FGF12: variants seen among roughly 807,000 people sequenced by gnomAD.
FGF12 encodes fibroblast growth factor 12.
A neutral mutation model predicts 23.6 loss-of-function variants in FGF12; 14 were observed. That is an observed-to-expected ratio of 0.59 (90% CI 0.39 to 0.93). The LOEUF (loss-of-function observed/expected upper bound fraction) is 0.93, where lower values mean the gene tolerates loss of function less well. Ranked by LOEUF, FGF12 falls within the 40% of genes least tolerant of loss-of-function variation. The probability of loss-of-function intolerance (pLI) is 0.00; values close to 1 mark genes in which losing one functional copy is unlikely to be tolerated. For synonymous variants in FGF12, 62 were observed against 77.3 expected (o/e 0.80, Z 1.04); for missense variants, 175 against 217.8 (o/e 0.80, Z 1.24).
At chr3:192,185,804 A>T (rs1235216183) in intron 4 of FGF12, among the ~76,000 whole-genome samples, 2 of 151,920 alleles carry the variant, frequency 1.3e-5, no homozygotes, top group Non-Finnish European at 2.9e-5. Context: ...GGTGGCAATG[A>T]GCCAAGATCG....
intron 2 of FGF12, among the ~76,000 whole-genome samples, chr3:192,665,042 C>T (rs928675743): frequency 7.2e-5 from 11 of 152,042 alleles, no homozygotes; most frequent in Admixed American, 3.9e-4. Flanking sequence ...CCTGAAAATC[C>T]AGCAAAATCA....
intron 4 of FGF12, among the ~76,000 whole-genome samples, chr3:192,259,228 G>C (rs551225489): frequency 5.9e-5 from 9 of 152,040 alleles, no homozygotes; most frequent in Admixed American, 5.2e-4. Context: ...TATCAGAAAA[G>C]GTTTTGCTAA....
chr3:192,478,027 C>A (rs566668058), intron 2 of FGF12, among the ~76,000 whole-genome samples: 1 of 152,290 alleles, frequency 6.6e-6, no homozygotes, highest in East Asian at 1.9e-4. Flanking sequence ...AAATGTAAGC[C>A]AGAATTTCAC....
intron 4 of FGF12, among the ~76,000 whole-genome samples, chr3:192,312,847 G>T (rs1177417968): frequency 6.6e-6 from 1 of 151,670 alleles, no homozygotes; most frequent in Non-Finnish European, 1.5e-5. Context: ...TTTTATTATA[G>T]TATTAACGTA....
At position 192,299,570 on chromosome 3, in the gene FGF12, T is replaced by C. The variant is rs976591395; in HGVS notation, c.228+35791A>G. ...CACCATAATTACTTATATGCAAACA[T>C]ACAATAAGTCTACAGAAACTCCTCA... On this transcript the variant is annotated intron_variant, in intron 4 of 5. Transcript: ENST00000445105. Among the ~76,000 whole-genome samples the C allele has an allele frequency of 3.5e-4, 53 of 152,166 alleles. 1 individual carries two copies. Among genetic ancestry groups the C allele is most frequent in the Non-Finnish European group, 8.8e-5 (6 of 68,030 alleles).
intron 4 of FGF12, among the ~76,000 whole-genome samples, chr3:192,237,716 A>G (rs1449143607): frequency 6.6e-6 from 1 of 152,052 alleles, no homozygotes; most frequent in Non-Finnish European, 1.5e-5. Flanking sequence ...ATGGATGTGT[A>G]CTCTTTCAAC....
At chr3:192,524,896 T>C (rs977490884) in intron 2 of FGF12, among the ~76,000 whole-genome samples, 1 of 152,166 alleles carries the variant, frequency 6.6e-6, no homozygotes, top group Non-Finnish European at 1.5e-5. Flanking sequence ...GTTCTTTTTA[T>C]AAAATCACCA....
intron 4 of FGF12, among the ~76,000 whole-genome samples, chr3:192,316,590 T>C (rs1255529315): frequency 2.0e-5 from 3 of 152,152 alleles, no homozygotes; most frequent in Admixed American, 2.0e-4. Flanking sequence ...CAGAGGTGAA[T>C]TGTCTGTCCT....
chr3:192,158,332 C>CTTTCTCTTTCTTTCTT, intron 5 of FGF12, among the ~76,000 whole-genome samples: 1 of 112,446 alleles, frequency 8.9e-6, no homozygotes, highest in East Asian at 3.1e-4. Context: ...TTCTTTCTTT[C>CTTTCTCTTTCTTTCTT]TCTTTCTTTC....
intron 2 of FGF12, among the ~76,000 whole-genome samples, chr3:192,532,692 A>G (rs147989805): frequency 1.3e-5 from 2 of 152,282 alleles, no homozygotes; most frequent in East Asian, 3.9e-4. Context: ...TGACAATAAC[A>G]TTTTTAATTT....
chr3:192,725,340 G>T (rs1476467737), intron 2 of FGF12, among the ~76,000 whole-genome samples: 3 of 148,622 alleles, frequency 2.0e-5, no homozygotes, highest in African/African-American at 7.5e-5. Flanking sequence ...CCACAATGTT[G>T]GCCTACAGCA....
intron 2 of FGF12, among the ~76,000 whole-genome samples, chr3:192,365,785 T>C (rs1158778037): frequency 6.6e-6 from 1 of 151,954 alleles, no homozygotes; most frequent in African/African-American, 2.4e-5. Context: ...TGGAGCTATC[T>C]AGACGTTCCT....
chr3:192,485,612 C>T (rs1168832741), intron 2 of FGF12, among the ~76,000 whole-genome samples: 1 of 151,880 alleles, frequency 6.6e-6, no homozygotes, highest in Non-Finnish European at 1.5e-5. Context: ...AACTGTCTTC[C>T]AAAATTTTTT....
intron 4 of FGF12, among the ~76,000 whole-genome samples, chr3:192,312,944 G>A (rs1468822382): frequency 6.6e-6 from 1 of 152,026 alleles, no homozygotes; most frequent in Admixed American, 6.6e-5. Flanking sequence ...AAATTGAATA[G>A]GTGAACAAAT....
intron 4 of FGF12, among the ~76,000 whole-genome samples, chr3:192,334,933 A>G (rs1717318754): frequency 1.3e-5 from 2 of 152,124 alleles, no homozygotes; most frequent in Admixed American, 1.3e-4. Context: ...ACAAAGCCAC[A>G]ATCTTTCACA....
intron 4 of FGF12, among the ~76,000 whole-genome samples, chr3:192,189,605 A>G (rs1305861475): frequency 2.0e-5 from 3 of 152,154 alleles, no homozygotes; most frequent in African/African-American, 7.2e-5. Flanking sequence ...TGTCTTTATC[A>G]GAAGAGGAAA....
At chr3:192,156,389 T>C (rs983517965) in intron 5 of FGF12, among the ~76,000 whole-genome samples, 4 of 152,176 alleles carry the variant, frequency 2.6e-5, no homozygotes, top group Admixed American at 6.5e-5. Context: ...ACTTGTGATA[T>C]AGATTTTATT....
At chr3:192,544,235 C>G (rs1015496151) in intron 2 of FGF12, among the ~76,000 whole-genome samples, 7 of 152,114 alleles carry the variant, frequency 4.6e-5, no homozygotes, top group African/African-American at 1.7e-4. Context: ...CTCCACGCCA[C>G]AGAACTGCTG....
At chr3:192,430,561 A>G (rs1702471967) in intron 2 of FGF12, among the ~76,000 whole-genome samples, 1 of 152,228 alleles carries the variant, frequency 6.6e-6, no homozygotes, top group Non-Finnish European at 1.5e-5. Context: ...AATGCCTGCA[A>G]TTATTTCAAC....
Sources: allele counts gnomAD v4.1 joint callset (sites outside exome capture counted in the v4.1 genomes callset), GRCh38; gene constraint gnomAD v4.1.1; transcripts MANE v1.5; gene names NCBI Gene and HGNC (gene_info 2026-07-23, HGNC 2026-07-21).